CHCHD3: variants seen among roughly 807,000 people sequenced by gnomAD.
CHCHD3 encodes the protein MICOS complex subunit MIC19.
In CHCHD3, 20 loss-of-function variants were observed where a neutral mutation model predicts 38.2. That is an observed-to-expected ratio of 0.52 (90% CI 0.37 to 0.76). The LOEUF (loss-of-function observed/expected upper bound fraction) is 0.76. Among genes scored for constraint, CHCHD3 ranks in the 30% least tolerant of loss-of-function variants. The pLI is 0.00. For synonymous variants in CHCHD3, 82 were observed against 100.0 expected (o/e 0.82, Z 1.07); for missense variants, 245 against 279.2 (o/e 0.88, Z 0.87).
chr7:132,978,127 T>C (rs763416237), intron 3 of CHCHD3, among the ~76,000 whole-genome samples: 3 of 152,128 alleles, frequency 2.0e-5, no homozygotes, highest in Non-Finnish European at 2.9e-5. Flanking sequence ...CTCAGCACAA[T>C]GCCCATAACA....
chr7:132,932,362 T>G (rs11770261), intron 4 of CHCHD3, among the ~76,000 whole-genome samples: 35,731 of 152,098 alleles, frequency 0.23, 5,122 homozygotes, highest in East Asian at 0.36. Context: ...AAAGAAAGAT[T>G]GCAGGAGGGA....
Position 132,821,149 on chromosome 7 carries a change from T to C in CHCHD3, c.524+17250A>G, listed in dbSNP as rs368237802. 4.6e-5 allele frequency among the ~76,000 whole-genome samples: 7 copies of C among 152,194 alleles called. No individual in the cohort carries two copies. In the East Asian group the frequency reaches 7.7e-4, roughly 17 times the overall value. On this transcript the variant is annotated intron_variant, in intron 6 of 7. Transcript: ENST00000262570. ...CTAGGGAAATATATATTAGATCATATGATGAGCATCAATTAAAAAAACACA... is the reference window on the plus strand; with the variant it reads ...CTAGGGAAATATATATTAGATCATACGATGAGCATCAATTAAAAAAACACA...
intron 4 of CHCHD3, chr7:132,973,675 A>T (rs1263083368): frequency 4.5e-5 from 46 of 1,026,646 alleles, no homozygotes; most frequent in Non-Finnish European, 5.3e-5. Context: ...TCACTGAAGA[A>T]ACTGATTCAT....
chr7:132,973,791 T>C lies in CHCHD3; in HGVS notation c.369+1378A>G, dbSNP rs1175559299. Reference sequence around the variant, plus strand: ...TGGGAGAGACTAGAAATGAGCCTTCTTCTTAGAAAGTTTTAGTGTTTCCCA... The same window carrying C: ...TGGGAGAGACTAGAAATGAGCCTTCCTCTTAGAAAGTTTTAGTGTTTCCCA... On this transcript the variant is annotated intron_variant, in intron 4 of 7. Transcript: ENST00000262570. The C allele has an allele frequency of 7.3e-6, 8 of 1,088,894 alleles. No homozygotes were observed. In the South Asian group the frequency reaches 1.4e-4, roughly 20 times the overall value. 67.5% of individuals were successfully genotyped at this position (1,088,894 alleles called of 1,614,324 possible). A position where few individuals can be genotyped will look rare whatever the true frequency, so the allele number is the denominator to read the frequency against.
intron 6 of CHCHD3, among the ~76,000 whole-genome samples, chr7:132,807,852 G>A (rs11978182): frequency 0.4 from 59,850 of 151,262 alleles, 12,134 homozygotes; most frequent in Middle Eastern, 0.51. Context: ...AAGAAATAAT[G>A]TTCAAAAATA....
chr7:133,045,044 C>T (rs989822462), intron 2 of CHCHD3, among the ~76,000 whole-genome samples: 3 of 152,168 alleles, frequency 2.0e-5, no homozygotes, highest in Non-Finnish European at 4.4e-5. Context: ...TAAAGCTTTT[C>T]CTGTCAACAG....
chr7:132,926,835 T>C (rs1157862392), intron 4 of CHCHD3, among the ~76,000 whole-genome samples: 1 of 152,030 alleles, frequency 6.6e-6, no homozygotes, highest in East Asian at 2.0e-4. Context: ...TTTGTTGTTG[T>C]ATTGTTGTTT....
chr7:132,900,622 T>C (rs1005642633), intron 4 of CHCHD3, among the ~76,000 whole-genome samples: 2 of 152,206 alleles, frequency 1.3e-5, no homozygotes, highest in African/African-American at 2.4e-5. Flanking sequence ...AAGAATAATT[T>C]TGAACAAAAG....
At chr7:132,833,868 C>A (rs1041662563) in intron 6 of CHCHD3, among the ~76,000 whole-genome samples, 3 of 152,142 alleles carry the variant, frequency 2.0e-5, no homozygotes, top group South Asian at 2.1e-4. Flanking sequence ...TTTGTATGAC[C>A]CCTGATCAGG....
rs35635002 is a variant in CHCHD3 at position 133,050,340 on chromosome 7, TAAAAAAAAAAAAAAAAAA to T, written c.169+19784_169+19801del. On this transcript the variant is annotated intron_variant, in intron 2 of 7. Transcript: ENST00000262570. ...CTGAGTAACAGAGGAGGCTGTGTCT[TAAAAAAAAAAAAAAAAAA>T]AAAAAAAAAAAAAAAAATGCAGAAT... Among the ~76,000 whole-genome samples the T allele has an allele frequency of 8.5e-3, 270 of 31,898 alleles. 4 individuals are homozygous for T. Among genetic ancestry groups the T allele is most frequent in the African/African-American group, 0.019 (198 of 10,438 alleles). The allele number at this position is 31,898 out of a possible 152,430, so 20.9% of individuals were successfully genotyped here. A position where few individuals can be genotyped will look rare whatever the true frequency, so the allele number is the denominator to read the frequency against.
At chr7:132,841,432 A>C (rs77869016) in intron 5 of CHCHD3, among the ~76,000 whole-genome samples, 11 of 90,480 alleles carry the variant, frequency 1.2e-4, no homozygotes, top group Admixed American at 6.6e-4. Flanking sequence ...CAACAACAAA[A>C]AAAAAAAAAC....
chr7:132,885,544 T>G (rs533364809), intron 5 of CHCHD3, 118 bp downstream of exon 5: 2 of 770,574 alleles, frequency 2.6e-6, no homozygotes, highest in Non-Finnish European at 2.0e-6. Context: ...GCTTCTTCAC[T>G]TCCTGGCCAC....
chr7:132,991,460 C>A (rs1812283461), intron 3 of CHCHD3, among the ~76,000 whole-genome samples: 1 of 152,124 alleles, frequency 6.6e-6, no homozygotes, highest in African/African-American at 2.4e-5. Flanking sequence ...ATTAACAGTA[C>A]AACTGATATA....
chr7:132,816,122 C>T (rs1807195554), intron 6 of CHCHD3, among the ~76,000 whole-genome samples: 1 of 152,160 alleles, frequency 6.6e-6, no homozygotes, highest in African/African-American at 2.4e-5. Flanking sequence ...GGCATTTTGT[C>T]AAGTTGAAAT....
At chr7:132,873,956 C>T (rs1303189405) in intron 5 of CHCHD3, among the ~76,000 whole-genome samples, 3 of 152,144 alleles carry the variant, frequency 2.0e-5, no homozygotes, top group Non-Finnish European at 2.9e-5. Flanking sequence ...CAAAAGGACC[C>T]TCACCTAAAT....
At chr7:132,997,994 T>G (rs1812471346) in intron 3 of CHCHD3, among the ~76,000 whole-genome samples, 2 of 152,220 alleles carry the variant, frequency 1.3e-5, no homozygotes, top group Non-Finnish European at 2.9e-5. Context: ...CAGGGATAAC[T>G]ATAAATTTCA....
intron 3 of CHCHD3, among the ~76,000 whole-genome samples, chr7:133,018,944 C>T (rs1258038639): frequency 5.7e-5 from 7 of 123,796 alleles, no homozygotes; most frequent in Admixed American, 1.1e-4. Context: ...AGTGCAGTGG[C>T]GCGATCTTGG....
intron 5 of CHCHD3, among the ~76,000 whole-genome samples, chr7:132,864,750 T>C (rs1258865244): frequency 1.3e-5 from 2 of 152,120 alleles, no homozygotes; most frequent in Non-Finnish European, 2.9e-5. Context: ...CCTCTTTCCA[T>C]GCCGAGATAT....
intron 1 of CHCHD3, among the ~76,000 whole-genome samples, chr7:133,076,058 C>CAAAA (rs58754100): frequency 1.4e-4 from 9 of 63,692 alleles, no homozygotes; most frequent in East Asian, 4.5e-4. Flanking sequence ...GATTCTATCT[C>CAAAA]AAAAAAAAAA....
Sources: allele counts gnomAD v4.1 joint callset (sites outside exome capture counted in the v4.1 genomes callset), GRCh38; gene constraint gnomAD v4.1.1; transcripts MANE v1.5; gene names NCBI Gene and HGNC (gene_info 2026-07-23, HGNC 2026-07-21).